Variants in ERI1 observed in about 807,000 individuals in gnomAD.
ERI1 encodes the protein exoribonuclease 1.
Under a neutral mutation model 39.7 loss-of-function variants are expected in ERI1, and 39 were observed. The ratio of observed to expected loss-of-function variants is 0.98; its 90% CI spans 0.76 to 1.28. The LOEUF (loss-of-function observed/expected upper bound fraction) is 1.28, where lower values mean the gene tolerates loss of function less well. Among genes scored for constraint, ERI1 ranks in the 50% most tolerant of loss-of-function variants. ERI1 has a pLI of 0.00. For missense variants in ERI1, 581 were observed against 416.9 expected, an observed-to-expected ratio of 1.39 and a Z score of -3.43; for synonymous variants, 204 against 149.6, an observed-to-expected ratio of 1.36 and a Z score of -2.65.
Position 9,011,676 on chromosome 8 carries a change from A to G in ERI1, c.422A>G (p.Glu141Gly). The change falls in exon 3 of 7, where the codon GAA becomes GGA. Residue 141 changes from glutamate (E) to glycine (G), a missense_variant. Coordinates refer to ENST00000250263, the MANE Select transcript of ERI1 (RefSeq NM_153332.4). ...CIIDFEATCE[E>G]GNPPEFVHEI... is the part of the protein sequence containing the mutation. ...ATTGACTTTGAAGCCACTTGTGAAG[A>G]AGGAAACCCACCTGAGTTTGTACAT... is the stretch of plus-strand genomic sequence containing the variant. 1 of 1,613,710 alleles carries G rather than the reference A, an allele frequency of 6.2e-7. No homozygotes were observed. Among genetic ancestry groups the G allele is most frequent in the Non-Finnish European group, 8.5e-7 (1 of 1,179,700 alleles).
intron 1 of ERI1, 30 bp from the exon 2 acceptor site, chr8:9,007,932 ATCCTTTTT>A: frequency 6.5e-7 from 1 of 1,529,404 alleles, no homozygotes; most frequent in Non-Finnish European, 8.7e-7. Flanking sequence ...TATAAACTAC[ATCCTTTTT>A]TTTTTTTTTT....
intron 3 of ERI1, among the ~76,000 whole-genome samples, chr8:9,057,928 G>T (rs772762800): frequency 6.6e-6 from 1 of 152,164 alleles, no homozygotes; most frequent in Non-Finnish European, 1.5e-5. Context: ...GCAAGCAATC[G>T]GAGTAATAGG....
intron 3 of ERI1, among the ~76,000 whole-genome samples, chr8:9,015,964 TTTA>T (rs1444506197): frequency 2.6e-5 from 4 of 152,182 alleles, no homozygotes; most frequent in Non-Finnish European, 4.4e-5. Context: ...TTCAAAAGAA[TTTA>T]TTATTTTTAA....
At chr8:9,029,135 A>G (rs972590827) in intron 6 of ERI1, among the ~76,000 whole-genome samples, 4 of 152,230 alleles carry the variant, frequency 2.6e-5, no homozygotes, top group African/African-American at 9.6e-5. Context: ...AAAGTAATAC[A>G]CTATAGAAAA....
chr8:9,054,349 T>C (rs1208281955), intron 3 of ERI1, among the ~76,000 whole-genome samples: 1 of 152,244 alleles, frequency 6.6e-6, no homozygotes, highest in Non-Finnish European at 1.5e-5. Context: ...TTTCCTTTTC[T>C]ACAAATACAT....
At position 9,003,034 on chromosome 8, in the gene ERI1, C is replaced by T. The variant is rs1815533904; in HGVS notation, c.-30C>T. 4 of 1,216,792 alleles carry T rather than the reference C, an allele frequency of 3.3e-6. No individual in the cohort carries two copies. The highest frequency in any genetic ancestry group is 4.2e-5 in the Admixed American group (1 of 23,668). 75.4% of individuals were successfully genotyped at this position (1,216,792 alleles called of 1,614,324 possible). On this transcript the variant is annotated 5_prime_UTR_variant, in exon 1 of 7. Transcript: ENST00000250263. ...GTGAGAGTTAGCAAGTGTCCGGCTCCAGCAACTCTCCTCTGGCGTGACAGC... is the reference window on the plus strand; with the variant it reads ...GTGAGAGTTAGCAAGTGTCCGGCTCTAGCAACTCTCCTCTGGCGTGACAGC...
At chr8:9,096,357 A>T (rs1046964848) in intron 3 of ERI1, among the ~76,000 whole-genome samples, 32 of 152,180 alleles carry the variant, frequency 2.1e-4, no homozygotes, top group Admixed American at 1.3e-4. Context: ...TATGGCCTCA[A>T]AACAAGGGGT....
chr8:9,016,899 C>G (rs549014164), intron 4 of ERI1, among the ~76,000 whole-genome samples: 2 of 152,198 alleles, frequency 1.3e-5, no homozygotes, highest in African/African-American at 4.8e-5. Context: ...ATTGGCCAGG[C>G]TGGTCTCGAA....
chr8:9,082,821 T>A (rs34277204), intron 3 of ERI1, among the ~76,000 whole-genome samples: 58,983 of 151,696 alleles, frequency 0.39, 12,619 homozygotes, highest in African/African-American at 0.56. Flanking sequence ...CGAAGAGTCA[T>A]AATAGCAAGA....
intron 3 of ERI1, among the ~76,000 whole-genome samples, chr8:9,086,043 T>G (rs1585296915): frequency 6.6e-6 from 1 of 152,274 alleles, no homozygotes; most frequent in Admixed American, 6.5e-5. Context: ...ATCCTACTAT[T>G]AGGAAATAAC....
chr8:9,020,929 GT>G (rs111935324), intron 6 of ERI1, among the ~76,000 whole-genome samples: 1 of 151,416 alleles, frequency 6.6e-6, no homozygotes, highest in African/African-American at 2.4e-5. Flanking sequence ...TTTTGTTTTT[GT>G]TTTTTTTCAA....
intron 3 of ERI1, among the ~76,000 whole-genome samples, chr8:9,088,848 G>C (rs1360609847): frequency 6.6e-6 from 1 of 152,200 alleles, no homozygotes; most frequent in African/African-American, 2.4e-5. Flanking sequence ...TTGACAATGA[G>C]TGTCTCTGCA....
At position 9,099,598 on chromosome 8, in the gene ERI1, CAAAA is replaced by C. The variant is rs752054721; in HGVS notation, n.300-16736_300-16733del. Among the ~76,000 whole-genome samples the C allele has an allele frequency of 1.2e-4, 11 of 90,538 alleles. No homozygotes were observed. In the South Asian group the frequency reaches 1.4e-3, roughly 11 times the overall value. 59.4% of individuals were successfully genotyped at this position (90,538 alleles called of 152,430 possible). Reference sequence around the variant, plus strand: ...CAATAGAGCGGGACACTCTCTCTCTCAAAAAAAAAAAAAAAAAGAAAGAAACAGA... The same window carrying C: ...CAATAGAGCGGGACACTCTCTCTCTCAAAAAAAAAAAAAGAAAGAAACAGA... On this transcript the variant is annotated intron_variant and non_coding_transcript_variant, in intron 3 of 3. Transcript: ENST00000518663.
At chr8:9,022,783 G>A (rs974109614) in intron 6 of ERI1, among the ~76,000 whole-genome samples, 1 of 152,138 alleles carries the variant, frequency 6.6e-6, no homozygotes, top group East Asian at 1.9e-4. Context: ...AAACATAACA[G>A]AAATAGGTAT....
chr8:9,092,559 A>C (rs754461303), intron 3 of ERI1, among the ~76,000 whole-genome samples: 3 of 152,204 alleles, frequency 2.0e-5, no homozygotes, highest in Non-Finnish European at 4.4e-5. Context: ...CGGGGAATCA[A>C]ATGAGCAATT....
intron 5 of ERI1, among the ~76,000 whole-genome samples, chr8:9,019,511 G>T (rs1817661245): frequency 6.6e-6 from 1 of 152,086 alleles, no homozygotes; most frequent in Non-Finnish European, 1.5e-5. Context: ...CATTTTGTGG[G>T]ACAGATCACT....
intron 2 of ERI1, 100 bp from the exon 3 acceptor site, chr8:9,011,442 G>A (rs1247704445): frequency 7.9e-5 from 49 of 622,834 alleles, no homozygotes; most frequent in South Asian, 2.1e-4. Flanking sequence ...GCTAAATTTC[G>A]CTGTGATTGT....
At chr8:9,024,031 A>G (rs1009729111) in intron 6 of ERI1, among the ~76,000 whole-genome samples, 3 of 152,028 alleles carry the variant, frequency 2.0e-5, no homozygotes, top group African/African-American at 7.3e-5. Flanking sequence ...TGAAGTCCCA[A>G]CCTTGTGATC....
chr8:9,041,544 A>G (rs529879523), intron 3 of ERI1, among the ~76,000 whole-genome samples: 1 of 152,348 alleles, frequency 6.6e-6, no homozygotes, highest in South Asian at 2.1e-4. Flanking sequence ...ATTCAAAACT[A>G]AACAAACACG....
Sources: gnomAD v4.1 joint callset for allele counts (sites outside exome capture counted in the v4.1 genomes callset) on GRCh38, gnomAD v4.1.1 for gene constraint, MANE v1.5 for transcripts, NCBI Gene and HGNC (gene_info 2026-07-23, HGNC 2026-07-21) for gene names.